The following AR variants were observed in gnomAD, a reference collection of about 807,000 sequenced individuals.
The protein encoded by AR is androgen receptor, also known as dihydrotestosterone receptor.
A neutral mutation model predicts 53.9 loss-of-function variants in AR; 8 were observed. The ratio of observed to expected loss-of-function variants is 0.15; its 90% CI spans 0.09 to 0.27. AR has a LOEUF of 0.27. Among genes scored for constraint, AR ranks in the 10% least tolerant of loss-of-function variants. The pLI is 1.00. For missense variants in AR, 639 were observed against 742.5 expected (o/e 0.86, Z 1.62); for synonymous variants, 359 against 316.4 (o/e 1.13, Z -1.43).
chrX:67,663,079 AT>A (rs1384798417), intron 2 of AR, among the ~76,000 whole-genome samples: 1 of 111,254 alleles, frequency 9.0e-6, no homozygotes, highest in East Asian at 2.8e-4. Flanking sequence ...TCTTTATCCA[AT>A]TTGCCAGTCT....
intron 3 of AR, among the ~76,000 whole-genome samples, chrX:67,703,244 G>A (rs759980884): frequency 9.0e-6 from 1 of 111,665 alleles, no homozygotes; most frequent in Admixed American, 9.5e-5. Flanking sequence ...ATGTTAAAGG[G>A]ATTAAAGTGG....
At chrX:67,721,744 C>G (rs1048967054) in intron 5 of AR, 89 bp from the exon 6 acceptor site, 1 of 1,148,118 alleles carries the variant, frequency 8.7e-7, no homozygotes, top group African/African-American at 1.8e-5. Context: ...CTTGGAAAAC[C>G]TGGCGAGGGA....
rs1930103797 is a variant in AR, at chrX:67,554,258, A to G, written c.1616+7496A>G. Reference sequence around the variant, plus strand: ...ACTAACATGTAGAGGTGACAAATGAAATCACTAGCTATATTAGGCTTATGT... The same window carrying G: ...ACTAACATGTAGAGGTGACAAATGAGATCACTAGCTATATTAGGCTTATGT... On this transcript the variant is annotated intron_variant, in intron 1 of 7. Transcript: ENST00000374690. Among the ~76,000 whole-genome samples, 5 of 112,144 alleles carry G rather than the reference A, an allele frequency of 4.5e-5. No homozygotes were observed. The South Asian group carries it at 1.9e-3, about 42-fold the overall frequency.
intron 2 of AR, among the ~76,000 whole-genome samples, chrX:67,664,362 G>A (rs914573379): frequency 1.2e-4 from 14 of 112,089 alleles, no homozygotes; most frequent in African/African-American, 4.5e-4. Context: ...CAGGTCTGTT[G>A]GAGTTTGCTG....
intron 3 of AR, chrX:67,695,384 C>A: frequency 1.3e-6 from 1 of 753,810 alleles, no homozygotes; most frequent in Non-Finnish European, 1.6e-6. Flanking sequence ...AGCCAGCCAA[C>A]CCCTCTCTTC....
intron 4 of AR, among the ~76,000 whole-genome samples, chrX:67,715,637 C>T (rs1420849629): frequency 8.9e-6 from 1 of 111,949 alleles, no homozygotes; most frequent in Non-Finnish European, 1.9e-5. Context: ...AGAATCAGAA[C>T]ACCTGGGTTC....
intron 1 of AR, among the ~76,000 whole-genome samples, chrX:67,619,850 G>T (rs1463737589): frequency 1.8e-5 from 2 of 110,475 alleles, no homozygotes; most frequent in African/African-American, 3.3e-5. Context: ...CTCTCCCCAT[G>T]ATCAAAATCA....
At chrX:67,670,545 T>G (rs1056217500) in intron 2 of AR, among the ~76,000 whole-genome samples, 1 of 106,874 alleles carries the variant, frequency 9.4e-6, no homozygotes, top group Non-Finnish European at 1.9e-5. Flanking sequence ...ATAAAGCATA[T>G]ATATAGTATA....
chrX:67,657,001 T>G (rs1926623301), intron 2 of AR, among the ~76,000 whole-genome samples: 1 of 110,677 alleles, frequency 9.0e-6, no homozygotes, highest in Non-Finnish European at 1.9e-5. Context: ...GAGAGATCAC[T>G]GTAGCAATTG....
At chrX:67,676,045 A>G (rs1405825181) in intron 2 of AR, among the ~76,000 whole-genome samples, 2 of 112,368 alleles carry the variant, frequency 1.8e-5, no homozygotes, top group South Asian at 7.4e-4. Context: ...AATGGCTGAA[A>G]AGATCAAAGG....
At chrX:67,601,243 CACAT>C (rs775634469) in intron 1 of AR, among the ~76,000 whole-genome samples, 5 of 111,820 alleles carry the variant, frequency 4.5e-5, no homozygotes, top group Admixed American at 9.5e-5. Context: ...ATTATGAAAA[CACAT>C]GAGATATTGG....
chrX:67,662,456 A>G (rs1285116344), intron 2 of AR, among the ~76,000 whole-genome samples: 1 of 111,604 alleles, frequency 9.0e-6, no homozygotes, highest in African/African-American at 3.3e-5. Context: ...TGTACCTAGT[A>G]GTCATTAAGG....
intron 1 of AR, among the ~76,000 whole-genome samples, chrX:67,590,515 A>G (rs1183090878): frequency 3.6e-5 from 4 of 112,285 alleles, no homozygotes; most frequent in South Asian, 3.7e-4. Context: ...CACTAGGAAG[A>G]GAATTAAGTA....
chrX:67,633,115 T>C (rs1925249641), intron 1 of AR, among the ~76,000 whole-genome samples: 1 of 112,338 alleles, frequency 8.9e-6, no homozygotes, highest in Non-Finnish European at 1.9e-5. Context: ...TTTAAAAAAT[T>C]ACTATTTGTT....
chrX:67,615,857 A>G (rs1433325424), intron 1 of AR, among the ~76,000 whole-genome samples: 1 of 111,653 alleles, frequency 9.0e-6, no homozygotes, highest in Non-Finnish European at 1.9e-5. Context: ...GTAACATTAA[A>G]AACTTCTATA....
chrX:67,723,957 T>C lies in AR; in HGVS notation c.*116T>C, dbSNP rs753204321. 1 of 971,586 alleles carries C rather than the reference T, an allele frequency of 1.0e-6. No homozygotes were observed. Among genetic ancestry groups the C allele is most frequent in the South Asian group, 2.0e-5 (1 of 49,872 alleles). 80.1% of individuals were successfully genotyped at this position (971,586 alleles called of 1,213,427 possible). On this transcript the variant is annotated 3_prime_UTR_variant, in exon 8 of 8. Coordinates refer to ENST00000374690, the MANE Select transcript of AR (RefSeq NM_000044.6). ...CCTTGGGGAATTTCCTCTATTGATG[T>C]ACAGTCTGTCATGAACATGTTCCTG...
chrX:67,692,489 G>T (rs963300931), intron 3 of AR, among the ~76,000 whole-genome samples: 6 of 111,851 alleles, frequency 5.4e-5, no homozygotes, highest in African/African-American at 9.8e-5. Context: ...TGTTTGGTTG[G>T]TTTTTGTTTT....
Position 67,725,267 on chromosome X carries a change from G to T in AR, c.*1426G>T, listed in dbSNP as rs2076153082. On this transcript the variant is annotated 3_prime_UTR_variant, in exon 8 of 8. Transcript: ENST00000374690. ...ATCTGTAGATGCCAGTAGTCACAAA[G>T]ATTTCTTACCAACTCTCAGATCGCT... The T allele has an allele frequency of 5.8e-6, 1 of 172,997 alleles. No individual in the cohort carries two copies. The highest frequency in any genetic ancestry group is 3.0e-5 in the African/African-American group (1 of 33,543). 14.3% of individuals were successfully genotyped at this position (172,997 alleles called of 1,213,427 possible). A position where few individuals can be genotyped will look rare whatever the true frequency, so the allele number is the denominator to read the frequency against.
intron 3 of AR, chrX:67,695,796 AAC>A (rs1434969898): frequency 4.0e-5 from 26 of 646,002 alleles, no homozygotes; most frequent in Admixed American, 2.0e-4. Flanking sequence ...CTCCCCCCCC[AAC>A]ACACACACAC....
Sources: allele counts gnomAD v4.1 joint callset (sites outside exome capture counted in the v4.1 genomes callset), GRCh38; gene constraint gnomAD v4.1.1; transcripts MANE v1.5; gene names NCBI Gene and HGNC (gene_info 2026-07-23, HGNC 2026-07-21).